Variants in RBM47 observed in about 807,000 individuals in gnomAD.
RBM47 encodes RNA-binding protein 47.
Under a neutral mutation model 47.1 loss-of-function variants are expected in RBM47, and 21 were observed. The ratio of observed to expected loss-of-function variants is 0.45; its 90% CI spans 0.32 to 0.64. The LOEUF is 0.64. RBM47 is among the 30% of genes least tolerant of loss of function. The pLI, the probability that RBM47 is intolerant of heterozygous loss-of-function variation, is 0.05. For synonymous variants in RBM47, 375 were observed against 361.7 expected, an observed-to-expected ratio of 1.04 and a Z score of -0.42; for missense variants, 708 against 870.9, an observed-to-expected ratio of 0.81 and a Z score of 2.35.
At chr4:40,521,927 A>T (rs563618223) in intron 2 of RBM47, among the ~76,000 whole-genome samples, 1 of 152,328 alleles carries the variant, frequency 6.6e-6, no homozygotes, top group Non-Finnish European at 1.5e-5. Flanking sequence ...ATTTATCACC[A>T]CAAGCTTGAC....
In RBM47 at chr4:40,436,885, T is replaced by C. The variant is rs1342325830; in HGVS notation, c.1124-238A>G. ...TGCAGGGTGAGTTTCTAGGATTGTA[T>C]CTGCAATTTCAGTAAAGAAAAACAT... On this transcript the variant is annotated intron_variant, in intron 4 of 6. Coordinates refer to ENST00000295971, the MANE Select transcript of RBM47 (RefSeq NM_001098634.2). 3.7e-5 allele frequency: 24 copies of C among 646,678 alleles called. No homozygotes were observed. In the East Asian group the frequency reaches 6.8e-4, roughly 18 times the overall value. The allele number at this position is 646,678 out of a possible 1,614,324, so 40.1% of individuals were successfully genotyped here.
At chr4:40,514,037 G>A (rs1725276060) in intron 2 of RBM47, among the ~76,000 whole-genome samples, 2 of 151,920 alleles carry the variant, frequency 1.3e-5, no homozygotes, top group Non-Finnish European at 2.9e-5. Flanking sequence ...CCTTTAATTT[G>A]CTGTTATCTT....
chr4:40,476,169 T>C (rs1719581732), intron 2 of RBM47, among the ~76,000 whole-genome samples: 1 of 152,194 alleles, frequency 6.6e-6, no homozygotes, highest in Non-Finnish European at 1.5e-5. Flanking sequence ...GCCCACCTTG[T>C]CTAGGCTGTT....
At chr4:40,566,059 C>T (rs530686688) in intron 1 of RBM47, among the ~76,000 whole-genome samples, 7 of 151,908 alleles carry the variant, frequency 4.6e-5, no homozygotes, top group Admixed American at 2.6e-4. Flanking sequence ...CAGAGCAAGA[C>T]CCTGTCTCAA....
chr4:40,523,595 G>A (rs1726419909), intron 2 of RBM47, among the ~76,000 whole-genome samples: 1 of 151,948 alleles, frequency 6.6e-6, no homozygotes, highest in South Asian at 2.1e-4. Context: ...AGGTTGCAGT[G>A]AGCTGAGATC....
At chr4:40,448,504 T>C (rs984848866) in intron 3 of RBM47, among the ~76,000 whole-genome samples, 11 of 152,228 alleles carry the variant, frequency 7.2e-5, no homozygotes, top group Non-Finnish European at 1.2e-4. Flanking sequence ...GATTTCTATT[T>C]TGATGTTCCT....
chr4:40,581,794 G>C (rs1732979111), intron 1 of RBM47, among the ~76,000 whole-genome samples: 1 of 151,926 alleles, frequency 6.6e-6, no homozygotes, highest in Non-Finnish European at 1.5e-5. Flanking sequence ...AAGTGAAAGG[G>C]AGCTTCAGCA....
chr4:40,501,486 C>T (rs1723355289), intron 2 of RBM47, among the ~76,000 whole-genome samples: 2 of 152,230 alleles, frequency 1.3e-5, no homozygotes, highest in Admixed American at 6.5e-5. Context: ...ATGATGGAAA[C>T]ACTCTGCGTC....
At chr4:40,595,419 G>A (rs997797628) in intron 1 of RBM47, among the ~76,000 whole-genome samples, 5 of 151,866 alleles carry the variant, frequency 3.3e-5, no homozygotes, top group African/African-American at 4.8e-5. Flanking sequence ...GCTTGAACCC[G>A]GGAGGTGGAG....
At chr4:40,524,142 T>A (rs756794620) in intron 2 of RBM47, among the ~76,000 whole-genome samples, 1 of 152,200 alleles carries the variant, frequency 6.6e-6, no homozygotes, top group Non-Finnish European at 1.5e-5. Context: ...CCCTCCCACA[T>A]GTGCTAAAAC....
chr4:40,550,097 G>T (rs1729422066), intron 1 of RBM47, among the ~76,000 whole-genome samples: 1 of 152,104 alleles, frequency 6.6e-6, no homozygotes, highest in South Asian at 2.1e-4. Flanking sequence ...AGCCACAAAG[G>T]GTCAAACCCA....
chr4:40,543,928 AAC>A (rs1416802563), intron 2 of RBM47: 59 of 152,024 alleles, frequency 3.9e-4, no homozygotes, highest in East Asian at 1.9e-4. Context: ...AAAAAAAAAA[AAC>A]ATTTGTATTG....
intron 2 of RBM47, among the ~76,000 whole-genome samples, chr4:40,471,315 A>C (rs1478888379): frequency 6.6e-6 from 1 of 152,184 alleles, no homozygotes; most frequent in African/African-American, 2.4e-5. Flanking sequence ...CTGGACTTCT[A>C]CAGTAGACTC....
At chr4:40,498,051 G>GTT (rs200147519) in intron 2 of RBM47, among the ~76,000 whole-genome samples, 7 of 80,124 alleles carry the variant, frequency 8.7e-5, no homozygotes, top group Admixed American at 2.3e-4. Context: ...GTAAGTGCTT[G>GTT]TTTTATATAT....
At chr4:40,485,674 A>G (rs1720969165) in intron 2 of RBM47, among the ~76,000 whole-genome samples, 1 of 152,188 alleles carries the variant, frequency 6.6e-6, no homozygotes. Flanking sequence ...GTATTAATGA[A>G]AATGGTAGTG....
At chr4:40,565,960 T>C (rs1282352871) in intron 1 of RBM47, among the ~76,000 whole-genome samples, 1 of 151,672 alleles carries the variant, frequency 6.6e-6, no homozygotes, top group Non-Finnish European at 1.5e-5. Flanking sequence ...CTCAACTACT[T>C]GGGAGGCTGA....
At chr4:40,505,900 C>T (rs1053184236) in intron 2 of RBM47, among the ~76,000 whole-genome samples, 1 of 151,466 alleles carries the variant, frequency 6.6e-6, no homozygotes, top group Non-Finnish European at 1.5e-5. Flanking sequence ...AAAAACAAAA[C>T]AAAACAAAAC....
intron 3 of RBM47, among the ~76,000 whole-genome samples, chr4:40,452,663 T>A (rs2154219735): frequency 6.7e-6 from 1 of 149,594 alleles, no homozygotes; most frequent in South Asian, 2.1e-4. Flanking sequence ...AACATCCGCC[T>A]TTTCATAATA....
chr4:40,539,965 T>A (rs1402203607), intron 2 of RBM47, among the ~76,000 whole-genome samples: 5 of 152,178 alleles, frequency 3.3e-5, no homozygotes, highest in African/African-American at 1.2e-4. Context: ...GTGAGTTAAA[T>A]AATATCTACC....
Sources: gnomAD v4.1 joint callset for allele counts (sites outside exome capture counted in the v4.1 genomes callset) on GRCh38, gnomAD v4.1.1 for gene constraint, MANE v1.5 for transcripts, NCBI Gene and HGNC (gene_info 2026-07-23, HGNC 2026-07-21) for gene names.